PRKG1: variants seen among roughly 807,000 people sequenced by gnomAD.
PRKG1 encodes protein kinase cGMP-dependent 1, also known as cGMP-dependent protein kinase 1.
Under a neutral mutation model 88.1 loss-of-function variants are expected in PRKG1, and 35 were observed. The ratio of observed to expected loss-of-function variants is 0.40; its 90% confidence interval spans 0.30 to 0.53. The LOEUF (loss-of-function observed/expected upper bound fraction) is 0.53, where lower values mean the gene tolerates loss of function less well. PRKG1 is among the 20% of genes least tolerant of loss of function. PRKG1 has a pLI of 0.59. For missense variants in PRKG1, 540 were observed against 839.8 expected (o/e 0.64, Z 4.41); for synonymous variants, 303 against 292.5 (o/e 1.04, Z -0.37).
chr10:52,034,845 T>C (rs574793273), intron 5 of PRKG1, among the ~76,000 whole-genome samples: 112 of 152,068 alleles, frequency 7.4e-4, no homozygotes, highest in African/African-American at 2.5e-3. Context: ...TAAAAAGGAG[T>C]GTCTATACAG....
At chr10:51,098,986 G>A (rs1221737690) in intron 1 of PRKG1, among the ~76,000 whole-genome samples, 2 of 152,184 alleles carry the variant, frequency 1.3e-5, no homozygotes, top group African/African-American at 2.4e-5. Context: ...TAGCTCCCTT[G>A]CCTCAGAGAG....
At chr10:51,377,317 G>A (rs1842837598) in intron 2 of PRKG1, among the ~76,000 whole-genome samples, 1 of 152,142 alleles carries the variant, frequency 6.6e-6, no homozygotes, top group Non-Finnish European at 1.5e-5. Context: ...TGTAAAATAA[G>A]GTTAATAAGA....
chr10:52,049,918 A>G (rs1390610575), intron 5 of PRKG1, among the ~76,000 whole-genome samples: 1 of 152,136 alleles, frequency 6.6e-6, no homozygotes, highest in South Asian at 2.1e-4. Flanking sequence ...AAATCTGGTG[A>G]AAAATAATCA....
At chr10:51,536,696 A>G (rs1842159374) in intron 3 of PRKG1, among the ~76,000 whole-genome samples, 1 of 151,876 alleles carries the variant, frequency 6.6e-6, no homozygotes, top group Non-Finnish European at 1.5e-5. Context: ...CATGTGCACA[A>G]TGTGCAGGTT....
chr10:52,045,759 T>G (rs1027252810), intron 5 of PRKG1, among the ~76,000 whole-genome samples: 1 of 152,040 alleles, frequency 6.6e-6, no homozygotes, highest in Admixed American at 6.6e-5. Context: ...CCAAGGAGTT[T>G]AGGTTTTCTA....
intron 3 of PRKG1, among the ~76,000 whole-genome samples, chr10:51,757,447 A>G (rs1837899399): frequency 6.6e-6 from 1 of 152,208 alleles, no homozygotes; most frequent in Non-Finnish European, 1.5e-5. Context: ...TAATGAGTAT[A>G]GATAAGACTG....
chr10:51,577,800 A>G (rs1564558026), intron 3 of PRKG1, among the ~76,000 whole-genome samples: 1 of 152,038 alleles, frequency 6.6e-6, no homozygotes, highest in East Asian at 1.9e-4. Context: ...TCCCATCTAC[A>G]TTTGTCTAAG....
intron 3 of PRKG1, among the ~76,000 whole-genome samples, chr10:51,547,219 T>C (rs1842462978): frequency 6.6e-6 from 1 of 152,130 alleles, no homozygotes; most frequent in Non-Finnish European, 1.5e-5. Flanking sequence ...AGCTGAGCTT[T>C]TGAGAATATT....
intron 3 of PRKG1, among the ~76,000 whole-genome samples, chr10:51,595,641 A>G (rs992902335): frequency 3.3e-5 from 5 of 151,566 alleles, no homozygotes; most frequent in African/African-American, 1.2e-4. Context: ...AAATAAATAA[A>G]TAAATAAATA....
intron 12 of PRKG1, among the ~76,000 whole-genome samples, chr10:52,273,103 A>G (rs1320138448): frequency 6.6e-6 from 1 of 152,090 alleles, no homozygotes; most frequent in Non-Finnish European, 1.5e-5. Context: ...GTTTGTCTAC[A>G]TGGTGCTTGT....
chr10:51,267,973 G>T (rs375934764), intron 2 of PRKG1, among the ~76,000 whole-genome samples: 5 of 152,238 alleles, frequency 3.3e-5, no homozygotes, highest in African/African-American at 1.2e-4. Flanking sequence ...TTTCACATAG[G>T]TTCTTTTCTA....
Position 52,036,623 on chromosome 10 carries a change from G to A in PRKG1, c.763-17861G>A, listed in dbSNP as rs1461168208. On this transcript the variant is annotated intron_variant, in intron 5 of 17. Transcript: ENST00000373980. The stretch of plus-strand genomic sequence containing the variant: ...TTATACTTGTGGGTTAAGGTGGGGG[G>A]ATACAAGAGGAGGACGCAAAGGAGG... Among the ~76,000 whole-genome samples the A allele has an allele frequency of 2.9e-3, 434 of 152,030 alleles. 4 individuals carry two copies. The highest frequency in any genetic ancestry group is 9.7e-3 in the African/African-American group (404 of 41,438).
chr10:51,996,139 C>G lies in PRKG1; in HGVS notation c.763-58345C>G, dbSNP rs2454548. Among the ~76,000 whole-genome samples, 5 of 151,376 alleles carry G rather than the reference C, an allele frequency of 3.3e-5. No individual in the cohort carries two copies. In the South Asian group the frequency reaches 6.3e-4, roughly 19 times the overall value. On this transcript the variant is annotated intron_variant, in intron 5 of 17. Transcript: ENST00000373980. ...CAGCCTGGCCAATCCGGTGAAACACCGTCTCTACTAAAAAATACAAAAAAT... is the reference window on the plus strand; with the variant it reads ...CAGCCTGGCCAATCCGGTGAAACACGGTCTCTACTAAAAAATACAAAAAAT...
intron 2 of PRKG1, among the ~76,000 whole-genome samples, chr10:51,166,129 C>G (rs1464904253): frequency 6.6e-6 from 1 of 151,654 alleles, no homozygotes; most frequent in Non-Finnish European, 1.5e-5. Flanking sequence ...ATATTTAATA[C>G]CTTCAGCAAC....
chr10:51,040,285 T>TCTTTC (rs886996580), intron 1 of PRKG1, among the ~76,000 whole-genome samples: 2 of 148,692 alleles, frequency 1.3e-5, no homozygotes, highest in Non-Finnish European at 3.0e-5. Context: ...CTCTTTAATT[T>TCTTTC]CTTTCTTGCT....
chr10:51,140,986 A>G (rs1046460381), intron 1 of PRKG1, among the ~76,000 whole-genome samples: 2 of 152,156 alleles, frequency 1.3e-5, no homozygotes, highest in Admixed American at 6.5e-5. Flanking sequence ...TGAAGAGCCT[A>G]TATCTTGGGC....
intron 1 of PRKG1, among the ~76,000 whole-genome samples, chr10:51,044,820 A>G (rs575997450): frequency 3.9e-5 from 6 of 152,236 alleles, no homozygotes; most frequent in African/African-American, 1.2e-4. Flanking sequence ...AGAAAATCCT[A>G]AATTGTTTTA....
At chr10:52,062,277 G>A (rs1182075325) in intron 6 of PRKG1, among the ~76,000 whole-genome samples, 2 of 152,000 alleles carry the variant, frequency 1.3e-5, no homozygotes, top group Non-Finnish European at 2.9e-5. Context: ...ATAGAGATGA[G>A]GAGTGAGATC....
At chr10:51,016,026 A>G (rs1321538238) in intron 1 of PRKG1, among the ~76,000 whole-genome samples, 1 of 152,352 alleles carries the variant, frequency 6.6e-6, no homozygotes, top group East Asian at 1.9e-4. Flanking sequence ...AAGTCAGGAA[A>G]GTTTCTTGGA....
Sources: allele counts gnomAD v4.1 joint callset (sites outside exome capture counted in the v4.1 genomes callset), GRCh38; gene constraint gnomAD v4.1.1; transcripts MANE v1.5; gene names NCBI Gene and HGNC (gene_info 2026-07-23, HGNC 2026-07-21).